The following CEP295 variants were observed in gnomAD, a reference collection of about 807,000 sequenced individuals.
CEP295 encodes centrosomal protein of 295 kDa.
In CEP295, 190 loss-of-function variants were observed where a neutral mutation model predicts 291.6. The ratio of observed to expected loss-of-function variants is 0.65; its 90% CI spans 0.58 to 0.73. The LOEUF (loss-of-function observed/expected upper bound fraction) is 0.73, where lower values mean the gene tolerates loss of function less well. CEP295 is among the 30% of genes least tolerant of loss of function. The pLI, the probability that CEP295 is intolerant of heterozygous loss-of-function variation, is 0.00. For synonymous variants in CEP295, 993 were observed against 1,038.8 expected (o/e 0.96, Z 0.85); for missense variants, 2,863 against 2,949.4 (o/e 0.97, Z 0.68).
intron 5 of CEP295, among the ~76,000 whole-genome samples, chr11:93,675,245 A>G: frequency 6.6e-6 from 1 of 152,170 alleles, no homozygotes; most frequent in East Asian, 1.9e-4. Flanking sequence ...AGTGCTTTTC[A>G]TTTCATTTGA....
intron 12 of CEP295, among the ~76,000 whole-genome samples, chr11:93,695,295 T>G (rs1951794381): frequency 6.6e-6 from 1 of 152,202 alleles, no homozygotes; most frequent in Non-Finnish European, 1.5e-5. Flanking sequence ...CTTCTATCCC[T>G]TTTTCTCTTT....
At chr11:93,667,993 A>G (rs995916229) in intron 3 of CEP295, among the ~76,000 whole-genome samples, 186 bp downstream of exon 3, 1 of 25,144 alleles carries the variant, frequency 4.0e-5, no homozygotes, top group African/African-American at 4.8e-5. Context: ...AGTTATTTCA[A>G]GTAAAATCCA....
chr11:93,700,600 A>ATT (rs796493911), intron 15 of CEP295, among the ~76,000 whole-genome samples: 33 of 138,814 alleles, frequency 2.4e-4, no homozygotes, highest in African/African-American at 7.4e-4. Flanking sequence ...TAAATTTTGT[A>ATT]TTTTTTTTTT....
intron 18 of CEP295, among the ~76,000 whole-genome samples, chr11:93,712,970 T>G (rs1019870457): frequency 3.9e-5 from 6 of 151,956 alleles, no homozygotes; most frequent in Non-Finnish European, 5.9e-5. Context: ...CTGTTGTATG[T>G]TTTTAAATTT....
intron 12 of CEP295, among the ~76,000 whole-genome samples, chr11:93,693,475 G>T (rs1017443640): frequency 2.0e-5 from 3 of 152,102 alleles, no homozygotes; most frequent in Non-Finnish European, 2.9e-5. Context: ...ACTTTCTCAG[G>T]CCAGGTGCAG....
intron 18 of CEP295, among the ~76,000 whole-genome samples, chr11:93,712,825 G>T (rs949274192): frequency 6.9e-6 from 1 of 145,764 alleles, no homozygotes; most frequent in African/African-American, 2.5e-5. Context: ...GTTATTTTTT[G>T]GTCTTCTCTT....
At chr11:93,682,594 G>GT (rs753710352) in intron 7 of CEP295, among the ~76,000 whole-genome samples, 1 of 129,208 alleles carries the variant, frequency 7.7e-6, no homozygotes. Context: ...TAAGAAGGTT[G>GT]TTAAAAAAAA....
intron 15 of CEP295, among the ~76,000 whole-genome samples, chr11:93,702,000 G>C (rs1187745706): frequency 1.3e-5 from 2 of 150,208 alleles, no homozygotes; most frequent in Admixed American, 1.3e-4. Flanking sequence ...TGCCCAGGCT[G>C]CAGGCTGGAG....
chr11:93,684,031 A>G lies in CEP295; in HGVS notation c.1017A>G (p.Gln339=), dbSNP rs1469937235. The change falls in exon 9 of 30, where the codon CAA becomes CAG. Residue 339 remains glutamine (Q), a synonymous_variant. Transcript: ENST00000325212. The part of the protein sequence containing the change: ...EPLPTVTNQI[Q]DEELDLSMEQ... Reference sequence around the variant, plus strand: ...TGCCCACTGTGACTAATCAGATCCAAGATGAAGAGCTGGACCTTTCAATGG... The same window carrying G: ...TGCCCACTGTGACTAATCAGATCCAGGATGAAGAGCTGGACCTTTCAATGG... 1.9e-6 allele frequency: 3 copies of G among 1,551,908 alleles called. No homozygotes were observed. The highest frequency in any genetic ancestry group is 2.6e-6 in the Non-Finnish European group (3 of 1,147,030).
chr11:93,691,885 C>G (rs1217485337), intron 11 of CEP295, 42 bp from the exon 12 acceptor site: 1 of 1,383,460 alleles, frequency 7.2e-7, no homozygotes, highest in Admixed American at 2.2e-5. Flanking sequence ...TGTCAAAATT[C>G]TAAATTATTG....
At position 93,697,266 on chromosome 11, in the gene CEP295, C is replaced by T; in HGVS notation, c.2354C>T (p.Ser785Leu). The change falls in exon 15 of 30, where the codon TCA (serine) becomes TTA (leucine). Residue 785 changes from serine to leucine, a missense_variant. Coordinates refer to ENST00000325212, the MANE Select transcript of CEP295 (RefSeq NM_033395.2). ...TCTTACCATTTAACTGAACCTTCTT[C>T]ATTTGTACCACTGGTACCTCAGCAT... ...NISYHLTEPS[S>L]FVPLVPQHSF... 3 of 1,551,752 alleles carry T rather than the reference C, an allele frequency of 1.9e-6. No homozygotes were observed. Among genetic ancestry groups the T allele is most frequent in the Non-Finnish European group, 2.6e-6 (3 of 1,147,002 alleles).
rs1473552701 is a variant in CEP295, at chr11:93,698,410, C to T, written c.3498C>T (p.Leu1166=). The part of the protein sequence containing the change: ...SLAQQENLTI[L]QEQSQIQRVI... ...CACAGCAAGAAAATTTGACAATACT[C>T]CAAGAACAGTCACAAATACAAAGGG... is the stretch of plus-strand genomic sequence containing the variant. Residue 1166 remains leucine, a synonymous_variant, in exon 15 of 30, where the codon CTC becomes CTT. Coordinates refer to ENST00000325212, the MANE Select transcript of CEP295 (RefSeq NM_033395.2). 1.3e-6 allele frequency: 2 copies of T among 1,552,110 alleles called. No individual in the cohort carries two copies. The highest frequency in any genetic ancestry group is 1.2e-5 in the South Asian group (1 of 84,058).
At chr11:93,696,468 G>T in intron 14 of CEP295, 51 bp downstream of exon 14, 1 of 1,237,658 alleles carries the variant, frequency 8.1e-7, no homozygotes, top group South Asian at 1.4e-5. Flanking sequence ...TACATTTTTA[G>T]GATTTATTGT....
In CEP295 at chr11:93,710,069, G is replaced by A. The variant is rs114820345; in HGVS notation, c.5749+3172G>A. Reference sequence around the variant, plus strand: ...TTAGGTTTTTTCCAGATATAAGCTCGTATCAAAGGATAATTTGACTTCTTC... The same window carrying A: ...TTAGGTTTTTTCCAGATATAAGCTCATATCAAAGGATAATTTGACTTCTTC... On this transcript the variant is annotated intron_variant, in intron 18 of 29. Coordinates refer to ENST00000325212, the MANE Select transcript of CEP295 (RefSeq NM_033395.2). Among the ~76,000 whole-genome samples, 1,221 of 152,130 alleles carry A rather than the reference G, an allele frequency of 8.0e-3. 22 individuals are homozygous for A. Among genetic ancestry groups the A allele is most frequent in the East Asian group, 0.053 (275 of 5,178 alleles).
chr11:93,725,447 CTT>C (rs1954073589), intron 22 of CEP295, among the ~76,000 whole-genome samples: 1 of 152,164 alleles, frequency 6.6e-6, no homozygotes. Flanking sequence ...AAACCTGAGT[CTT>C]TTTGCTTCCA....
At chr11:93,720,088 T>C (rs1485040889) in intron 18 of CEP295, among the ~76,000 whole-genome samples, 1 of 146,896 alleles carries the variant, frequency 6.8e-6, no homozygotes, top group Admixed American at 6.8e-5. Context: ...CTGGGCGTAG[T>C]GGCTCATGCC....
chr11:93,712,854 GTTTTGTTGT>G (rs917083780), intron 18 of CEP295, among the ~76,000 whole-genome samples: 2 of 68,434 alleles, frequency 2.9e-5, no homozygotes, highest in African/African-American at 9.7e-5. Context: ...TCTTTCTTCT[GTTTTGTTGT>G]TGTTGTTGTT....
At chr11:93,704,373 C>G (rs948179716) in intron 17 of CEP295, among the ~76,000 whole-genome samples, 4 of 152,100 alleles carry the variant, frequency 2.6e-5, no homozygotes, top group African/African-American at 9.7e-5. Flanking sequence ...CACCTGTAAT[C>G]CCAGCACTTT....
In CEP295 at chr11:93,722,058, G is replaced by C. The variant is rs756625519; in HGVS notation, c.5947+8G>C. The C allele has an allele frequency of 6.7e-7, 1 of 1,498,458 alleles. No individual in the cohort carries two copies. Among genetic ancestry groups the C allele is most frequent in the Admixed American group, 2.0e-5 (1 of 50,674 alleles). 92.8% of individuals were successfully genotyped at this position (1,498,458 alleles called of 1,614,324 possible). ...TGAGCCTTACAGATCCAGGTAATAA[G>C]GTCAAAATGTTTATAAATAAGTTGA... is the stretch of plus-strand genomic sequence containing the variant. On this transcript the variant is annotated splice_region_variant and intron_variant, in intron 20 of 29. Transcript: ENST00000325212.
Sources: gnomAD v4.1 joint callset for allele counts (sites outside exome capture counted in the v4.1 genomes callset) on GRCh38, gnomAD v4.1.1 for gene constraint, MANE v1.5 for transcripts, NCBI Gene and HGNC (gene_info 2026-07-23, HGNC 2026-07-21) for gene names.